Variants in JAKMIP1 observed in about 807,000 individuals in gnomAD.
JAKMIP1 encodes janus kinase and microtubule interacting protein 1, also known as janus kinase and microtubule-interacting protein 1.
Under a neutral mutation model 113.0 loss-of-function variants are expected in JAKMIP1, and 33 were observed. That is an observed-to-expected ratio of 0.29 (90% CI 0.22 to 0.39). The LOEUF (loss-of-function observed/expected upper bound fraction) is 0.39, where lower values mean the gene tolerates loss of function less well. Among genes scored for constraint, JAKMIP1 ranks in the 10% least tolerant of loss-of-function variants. The pLI, the probability that JAKMIP1 is intolerant of heterozygous loss-of-function variation, is 1.00. For missense variants in JAKMIP1, 813 were observed against 1,080.5 expected (o/e 0.75, Z 3.47); for synonymous variants, 480 against 459.9 (o/e 1.04, Z -0.56).
In JAKMIP1 at chr4:6,044,304, T is replaced by C. The variant is rs141030033; in HGVS notation, c.2029-2077A>G. ...GGGCTTGACACAAGCAGGTGCCTAA[T>C]AAACTTCTGTCGAATGAAGGAGAAT... On this transcript the variant is annotated intron_variant, in intron 16 of 20. Coordinates refer to ENST00000409021, the MANE Select transcript of JAKMIP1 (RefSeq NM_001099433.2). The surrounding 1 kb of genome is among the most constrained non-coding windows in gnomAD (Gnocchi z 4.4). Among the ~76,000 whole-genome samples the C allele has an allele frequency of 0.019, 2,918 of 152,250 alleles. 31 individuals are homozygous for C. The highest frequency in any genetic ancestry group is 0.032 in the Non-Finnish European group (2,176 of 68,024).
chr4:6,085,381 G>A, intron 4 of JAKMIP1, 39 bp downstream of exon 4: 2 of 1,589,302 alleles, frequency 1.3e-6, no homozygotes, highest in African/African-American at 2.7e-5. Flanking sequence ...AAATGGGTGG[G>A]GGACCAGCCT....
rs781028327 is a variant in JAKMIP1, at chr4:6,186,237, G to A, written c.-148+14016C>T. Among the ~76,000 whole-genome samples the A allele has an allele frequency of 1.3e-5, 2 of 152,244 alleles. No individual in the cohort carries two copies. Among genetic ancestry groups the A allele is most frequent in the African/African-American group, 2.4e-5 (1 of 41,462 alleles). Reference sequence around the variant, plus strand: ...CAGGCGGATGGGCAGGATGCAGACTGAGGAGGCACAGCAGGGTGGGGAAGT... The same window carrying A: ...CAGGCGGATGGGCAGGATGCAGACTAAGGAGGCACAGCAGGGTGGGGAAGT... On this transcript the variant is annotated intron_variant, in intron 1 of 20. Coordinates refer to ENST00000409021, the MANE Select transcript of JAKMIP1 (RefSeq NM_001099433.2). This position sits in a 1 kb window ranked among gnomAD's most constrained non-coding sequence, Gnocchi z 5.5.
In JAKMIP1 at chr4:6,097,505, T is replaced by C. The variant is rs1268982180; in HGVS notation, c.624+7968A>G. 2.6e-5 allele frequency among the ~76,000 whole-genome samples: 4 copies of C among 152,338 alleles called. No homozygotes were observed. The highest frequency in any genetic ancestry group is 2.6e-4 in the Admixed American group (4 of 15,306). ...TGGGTATGCTAAATACACTGCGTTG[T>C]ACACCTGCATTTTGACTGCGATCTG... On this transcript the variant is annotated intron_variant, in intron 3 of 20. Transcript: ENST00000409021. This position sits in a 1 kb window ranked among gnomAD's most constrained non-coding sequence, Gnocchi z 4.3.
chr4:6,071,710 T>C (rs1193127122), intron 8 of JAKMIP1, among the ~76,000 whole-genome samples: 1 of 152,168 alleles, frequency 6.6e-6, no homozygotes, highest in Non-Finnish European at 1.5e-5. Flanking sequence ...CAGCTGCAGC[T>C]CCTCTGGCGG....
rs1355259719 is a variant in JAKMIP1 at position 6,081,480 on chromosome 4, T to A, written c.1101+129A>T. On this transcript the variant is annotated intron_variant, in intron 6 of 20. Transcript: ENST00000409021. This position sits in a 1 kb window ranked among gnomAD's most constrained non-coding sequence, Gnocchi z 4.6. ...GGCGAGACATCTGTGACTGACACTG[T>A]GCCTGGTGCTTTGTGGGGAGGTGGG... The A allele has an allele frequency of 3.1e-6, 3 of 968,478 alleles. No individual in the cohort carries two copies. Among genetic ancestry groups the A allele is most frequent in the Non-Finnish European group, 4.7e-6 (3 of 634,520 alleles). 60.0% of individuals were successfully genotyped at this position (968,478 alleles called of 1,614,324 possible).
rs1715881642 is a variant in JAKMIP1 at position 6,116,958 on chromosome 4, T to C, written c.-147-3961A>G. ...AAGCACAGAGTCAAGACCAGCTATG[T>C]ATTTGCAGCCCAGTGCAAAATGAAA... On this transcript the variant is annotated intron_variant, in intron 1 of 20. Coordinates refer to ENST00000409021, the MANE Select transcript of JAKMIP1 (RefSeq NM_001099433.2). The surrounding 1 kb of genome is among the most constrained non-coding windows in gnomAD (Gnocchi z 5.1). Among the ~76,000 whole-genome samples the C allele has an allele frequency of 6.6e-6, 1 of 152,222 alleles. No individual in the cohort carries two copies. Among genetic ancestry groups the C allele is most frequent in the African/African-American group, 2.4e-5 (1 of 41,460 alleles).
At chr4:6,117,823 G>A (rs1382984294) in intron 1 of JAKMIP1, among the ~76,000 whole-genome samples, 1 of 152,202 alleles carries the variant, frequency 6.6e-6, no homozygotes. Flanking sequence ...TCTCCCATTT[G>A]CTTTTGAAAG....
chr4:6,029,664 C>G, intron 20 of JAKMIP1, 52 bp downstream of exon 20: 1 of 1,224,546 alleles, frequency 8.2e-7, no homozygotes, highest in Non-Finnish European at 1.2e-6. Context: ...TGATTCCGCA[C>G]TAACATTTCA....
chr4:6,105,850 C>T lies in JAKMIP1; in HGVS notation c.247G>A (p.Glu83Lys), dbSNP rs1422270262. ...KAKLHEEKTK[E>K]LQALREGLIR... ...AGCCCCTCGCGCAGCGCCTGCAGCTCCTTGGTCTTCTCCTCATGCAGCTTG... is the reference window on the plus strand; with the variant it reads ...AGCCCCTCGCGCAGCGCCTGCAGCTTCTTGGTCTTCTCCTCATGCAGCTTG... The change falls in exon 3 of 21, where the codon GAG becomes AAG. Residue 83 changes from glutamate (E) to lysine (K), a missense_variant. Coordinates refer to ENST00000409021, the MANE Select transcript of JAKMIP1 (RefSeq NM_001099433.2). 2 of 1,611,882 alleles carry T rather than the reference C, an allele frequency of 1.2e-6. No homozygotes were observed. Among genetic ancestry groups the T allele is most frequent in the African/African-American group, 2.7e-5 (2 of 74,934 alleles).
intron 1 of JAKMIP1, among the ~76,000 whole-genome samples, chr4:6,117,562 T>A (rs540734518): frequency 6.6e-6 from 1 of 152,258 alleles, no homozygotes; most frequent in Admixed American, 6.5e-5. Context: ...TTGGGCACCA[T>A]TGTCATTGAT....
chr4:6,137,215 C>A lies in JAKMIP1; in HGVS notation c.-147-24218G>T, dbSNP rs112708446. ...CGAGCCACATGCAGCTCTGCCTCCT[C>A]CACCTGACAGGACATGTGCTATGCC... On this transcript the variant is annotated intron_variant, in intron 1 of 20. Coordinates refer to ENST00000409021, the MANE Select transcript of JAKMIP1 (RefSeq NM_001099433.2). The surrounding 1 kb of genome is among the most constrained non-coding windows in gnomAD (Gnocchi z 4.5). Among the ~76,000 whole-genome samples, 1,559 of 152,312 alleles carry A rather than the reference C, an allele frequency of 0.01. 21 individuals carry two copies. Among genetic ancestry groups the A allele is most frequent in the African/African-American group, 0.035 (1,440 of 41,548 alleles).
Position 6,192,045 on chromosome 4 carries a change from G to T in JAKMIP1, c.-148+8208C>A, listed in dbSNP as rs190087142. Among the ~76,000 whole-genome samples the T allele has an allele frequency of 4.2e-3, 640 of 152,058 alleles. 13 individuals are homozygous for T. Among genetic ancestry groups the T allele is most frequent in the Admixed American group, 0.036 (554 of 15,266 alleles). On this transcript the variant is annotated intron_variant, in intron 1 of 20. Transcript: ENST00000409021. The surrounding 1 kb of genome is among the most constrained non-coding windows in gnomAD (Gnocchi z 5.0). ...CCTCCCGGGTTTGAGCTATTCTCCT[G>T]CCTCAGCCTCCCGAGTAGTTGGGAT...
intron 8 of JAKMIP1, among the ~76,000 whole-genome samples, chr4:6,074,589 T>C (rs767225315): frequency 2.0e-5 from 3 of 152,168 alleles, no homozygotes; most frequent in Non-Finnish European, 1.5e-5. Flanking sequence ...AATACTCAAA[T>C]CCATGGCTGC....
rs947287818 is a variant in JAKMIP1, at chr4:6,137,457, C to G, written c.-147-24460G>C. Among the ~76,000 whole-genome samples, 6 of 152,324 alleles carry G rather than the reference C, an allele frequency of 3.9e-5. No individual in the cohort carries two copies. Among genetic ancestry groups the G allele is most frequent in the African/African-American group, 1.4e-4 (6 of 41,582 alleles). On this transcript the variant is annotated intron_variant, in intron 1 of 20. Transcript: ENST00000409021. The surrounding 1 kb of genome is among the most constrained non-coding windows in gnomAD (Gnocchi z 4.5). ...ACACCTGATACAGTTCCTGAAAAGT[C>G]GTCTCACACCCTGGGTGACAGCAGA...
chr4:6,152,809 T>TATATAC (rs1491579883), intron 1 of JAKMIP1, among the ~76,000 whole-genome samples: 2 of 117,666 alleles, frequency 1.7e-5, no homozygotes, highest in South Asian at 2.3e-4. Context: ...TATATATATA[T>TATATAC]ACATATATAT....
In JAKMIP1 at chr4:6,199,261, G is replaced by C. The variant is rs1410896759; in HGVS notation, c.-148+992C>G. Among the ~76,000 whole-genome samples the C allele has an allele frequency of 6.6e-6, 1 of 152,254 alleles. No individual in the cohort carries two copies. Among genetic ancestry groups the C allele is most frequent in the South Asian group, 2.1e-4 (1 of 4,836 alleles). On this transcript the variant is annotated intron_variant, in intron 1 of 20. Transcript: ENST00000409021. The surrounding 1 kb of genome is among the most constrained non-coding windows in gnomAD (Gnocchi z 5.6). The stretch of plus-strand genomic sequence containing the variant: ...AGAGCCGGGCAGAGGCTGGCGGAGA[G>C]CCGAGGCTGGCCCAGCCTTCAGGAG...
In JAKMIP1 at chr4:6,150,808, C is replaced by T. The variant is rs778942037; in HGVS notation, c.-147-37811G>A. Among the ~76,000 whole-genome samples, 1 of 152,280 alleles carries T rather than the reference C, an allele frequency of 6.6e-6. No individual in the cohort carries two copies. The highest frequency in any genetic ancestry group is 2.4e-5 in the African/African-American group (1 of 41,558). On this transcript the variant is annotated intron_variant, in intron 1 of 20. Coordinates refer to ENST00000409021, the MANE Select transcript of JAKMIP1 (RefSeq NM_001099433.2). The surrounding 1 kb of genome is among the most constrained non-coding windows in gnomAD (Gnocchi z 4.8). The stretch of plus-strand genomic sequence containing the variant: ...GAAGAAAACAGGCAAGAAATTTCCG[C>T]ATCCCAGCTTCAAGCTCCTCCACTT...
Position 6,187,405 on chromosome 4 carries a change from C to T in JAKMIP1, c.-148+12848G>A, listed in dbSNP as rs79631915. Among the ~76,000 whole-genome samples, 4,937 of 152,272 alleles carry T rather than the reference C, an allele frequency of 0.032. 97 individuals carry two copies. Among genetic ancestry groups the T allele is most frequent in the African/African-American group, 0.063 (2,622 of 41,544 alleles). ...GAATCTAAAGTGTGTCTCCTATAGA[C>T]AGTGCTATGATCTGAATGTTTATGT... On this transcript the variant is annotated intron_variant, in intron 1 of 20. Coordinates refer to ENST00000409021, the MANE Select transcript of JAKMIP1 (RefSeq NM_001099433.2). This position sits in a 1 kb window ranked among gnomAD's most constrained non-coding sequence, Gnocchi z 4.2.
rs1179837758 is a variant in JAKMIP1 at position 6,146,444 on chromosome 4, G to A, written c.-147-33447C>T. Among the ~76,000 whole-genome samples the A allele has an allele frequency of 5.3e-5, 8 of 151,992 alleles. No individual in the cohort carries two copies. In the East Asian group the frequency reaches 1.5e-3, roughly 29 times the overall value. ...GTAGTAGTTGGGACTACAGGCATGT[G>A]TCAACACTCCCAGCTAATTTTTTAT... On this transcript the variant is annotated intron_variant, in intron 1 of 20. Transcript: ENST00000409021.
Sources: allele counts gnomAD v4.1 joint callset (sites outside exome capture counted in the v4.1 genomes callset), GRCh38; gene constraint gnomAD v4.1.1; non-coding constraint Gnocchi (gnomAD v3.1); transcripts MANE v1.5; gene names NCBI Gene and HGNC (gene_info 2026-07-23, HGNC 2026-07-21).